Variants in MAP4 observed in about 807,000 individuals in gnomAD.
MAP4 encodes the protein microtubule-associated protein 4.
In MAP4, 76 loss-of-function variants were observed where a neutral mutation model predicts 170.2. The ratio of observed to expected loss-of-function variants is 0.45; its 90% CI spans 0.37 to 0.54. The LOEUF is 0.54. Ranked by LOEUF, MAP4 falls within the 20% of genes least tolerant of loss-of-function variation. The pLI is 0.00. For missense variants in MAP4, 2,506 were observed against 2,748.0 expected (o/e 0.91, Z 1.97); for synonymous variants, 909 against 994.5 (o/e 0.91, Z 1.62).
intron 1 of MAP4, among the ~76,000 whole-genome samples, chr3:48,024,316 AAAT>A (rs2154490630): frequency 6.6e-6 from 1 of 152,284 alleles, no homozygotes; most frequent in African/African-American, 2.4e-5. Context: ...TCTTTAAAAA[AAAT>A]AATAAATAAA....
rs1372874861 is a variant in MAP4 at position 47,910,928 on chromosome 3, C to T, written c.3493G>A (p.Gly1165Ser). Reference protein sequence around the residue: ...QALIPLESGSGMTQTSGVSTE... With the variant: ...QALIPLESGSSMTQTSGVSTE... ...CTAACACCAGAAGTCTGAGTCATGCCTGATCCACTTTCCAAAGGAATCAAT... is the reference window on the plus strand; with the variant it reads ...CTAACACCAGAAGTCTGAGTCATGCTTGATCCACTTTCCAAAGGAATCAAT... The change falls in exon 9 of 21, where the codon GGC (glycine) becomes AGC (serine). Residue 1165 changes from glycine to serine, a missense_variant. This residue lies in a region of MAP4 where 2,008 missense variants were observed against 2,206.0 expected (regional missense o/e 0.91). Transcript: ENST00000683076. The T allele has an allele frequency of 3.9e-6, 6 of 1,536,028 alleles. No individual in the cohort carries two copies. In the East Asian group the frequency reaches 1.5e-4, roughly 38 times the overall value.
At chr3:47,919,916 T>TTTGTTG (rs34455536) in intron 5 of MAP4, among the ~76,000 whole-genome samples, 4 of 151,074 alleles carry the variant, frequency 2.6e-5, no homozygotes, top group Non-Finnish European at 5.9e-5. Context: ...TTGTAGCAGT[T>TTTGTTG]TTGTTGTTGT....
intron 1 of MAP4, among the ~76,000 whole-genome samples, chr3:48,083,732 CT>C (rs909350613): frequency 5.6e-5 from 8 of 143,552 alleles, no homozygotes; most frequent in Admixed American, 7.0e-5. Flanking sequence ...GTAAGATTAA[CT>C]TTTTTTTTTT....
chr3:47,862,612 G>A (rs1559798270), intron 17 of MAP4, among the ~76,000 whole-genome samples: 1 of 152,006 alleles, frequency 6.6e-6, no homozygotes, highest in Non-Finnish European at 1.5e-5. Flanking sequence ...TGAGTAGCTG[G>A]TACTACAGGC....
intron 4 of MAP4, 81 bp downstream of exon 4, chr3:47,928,147 T>A: frequency 9.0e-6 from 14 of 1,557,946 alleles, no homozygotes; most frequent in Non-Finnish European, 1.2e-5. Context: ...GCTAAAGCAT[T>A]TTCATCTGAA....
intron 3 of MAP4, among the ~76,000 whole-genome samples, chr3:47,965,331 T>C (rs533239003): frequency 1.3e-5 from 2 of 152,346 alleles, no homozygotes; most frequent in South Asian, 4.1e-4. Context: ...TTCCATCTTT[T>C]GGCCACTGTG....
At chr3:47,891,689 T>G in intron 10 of MAP4, 1 of 1,536,524 alleles carries the variant, frequency 6.5e-7, no homozygotes, top group Non-Finnish European at 8.7e-7. Flanking sequence ...GTCTCTGATG[T>G]GACAGCTTGC....
rs373624072 is a variant in MAP4 at position 47,909,960 on chromosome 3, G to A, written c.4461C>T (p.Val1487=). The change falls in exon 9 of 21, where the codon GTC becomes GTT. Residue 1487 remains valine (V), a synonymous_variant. Coordinates refer to ENST00000683076, the MANE Select transcript of MAP4 (RefSeq NM_001385682.1). Reference sequence around the variant, plus strand: ...GACCCTTGGGTCTTTCTTGACCTGGGACTCCATCTTTGGTGTAGTTATCTA... The same window carrying A: ...GACCCTTGGGTCTTTCTTGACCTGGAACTCCATCTTTGGTGTAGTTATCTA... ...LMVDNYTKDG[V]PGQERPKGPS... 3 of 1,614,022 alleles carry A rather than the reference G, an allele frequency of 1.9e-6. No individual in the cohort carries two copies. The highest frequency in any genetic ancestry group is 2.2e-5 in the East Asian group (1 of 44,882).
chr3:48,050,871 C>T (rs900704484), intron 1 of MAP4, among the ~76,000 whole-genome samples: 1 of 149,864 alleles, frequency 6.7e-6, no homozygotes, highest in Non-Finnish European at 1.5e-5. Context: ...CGCCATTGCA[C>T]TCCAGCCTGG....
chr3:48,027,642 C>T (rs565505322), intron 1 of MAP4, among the ~76,000 whole-genome samples: 8 of 152,064 alleles, frequency 5.3e-5, no homozygotes, highest in Middle Eastern at 3.4e-3. Flanking sequence ...CCCAGGGGCT[C>T]GAGACCAGCC....
chr3:48,034,444 T>C (rs924081838), intron 1 of MAP4, among the ~76,000 whole-genome samples: 13 of 152,208 alleles, frequency 8.5e-5, no homozygotes, highest in African/African-American at 2.4e-4. Context: ...GGCTCATACC[T>C]GTAATCCCAG....
At chr3:47,948,682 C>T (rs552871994) in intron 3 of MAP4, among the ~76,000 whole-genome samples, 7 of 152,120 alleles carry the variant, frequency 4.6e-5, no homozygotes, top group East Asian at 1.9e-4. Context: ...AGTGCAGTGG[C>T]GCAATCTCGG....
intron 3 of MAP4, among the ~76,000 whole-genome samples, chr3:47,935,173 A>G: frequency 6.6e-6 from 1 of 152,368 alleles, no homozygotes; most frequent in African/African-American, 2.4e-5. Context: ...TGCTACTTAT[A>G]GGAGTTTAAA....
chr3:47,892,621 C>A, intron 10 of MAP4: 2 of 1,419,388 alleles, frequency 1.4e-6, no homozygotes. Flanking sequence ...TCCCTCAATG[C>A]CCCTCTCTCC....
intron 2 of MAP4, among the ~76,000 whole-genome samples, chr3:47,982,366 T>C (rs2100085888): frequency 6.6e-6 from 1 of 152,180 alleles, no homozygotes; most frequent in Non-Finnish European, 1.5e-5. Context: ...TGAGACATGT[T>C]ATGGAAATAA....
intron 1 of MAP4, among the ~76,000 whole-genome samples, chr3:48,078,488 C>T (rs1037511019): frequency 5.9e-5 from 9 of 151,750 alleles, no homozygotes; most frequent in African/African-American, 1.5e-4. Context: ...GTGAGTTTTA[C>T]GATATGTGAA....
At chr3:47,877,592 G>T in intron 10 of MAP4, 69 bp from the exon 11 acceptor site, 1 of 1,071,386 alleles carries the variant, frequency 9.3e-7, no homozygotes. Context: ...AAAATACAAG[G>T]TTTAGCAAAG....
chr3:47,976,434 T>C (rs970722284), intron 3 of MAP4, among the ~76,000 whole-genome samples: 1 of 152,226 alleles, frequency 6.6e-6, no homozygotes, highest in Non-Finnish European at 1.5e-5. Context: ...GAAAATGGCA[T>C]CCACTCTTTC....
In MAP4 at chr3:47,909,909, G is replaced by T. The variant is rs780887854; in HGVS notation, c.4512C>A (p.Ser1504Arg). The T allele has an allele frequency of 1.2e-6, 2 of 1,613,860 alleles. No homozygotes were observed. The highest frequency in any genetic ancestry group is 2.7e-5 in the African/African-American group (2 of 74,920). The change falls in exon 9 of 21, where the codon AGC becomes AGA. Residue 1504 changes from serine (S) to arginine (R), a missense_variant. Physicochemically the swap from Ser to Arg is moderately radical, Grantham distance 110 (BLOSUM62 -1). This residue lies in a region of MAP4 where 2,008 missense variants were observed against 2,206.0 expected (regional missense o/e 0.91). Coordinates refer to ENST00000683076, the MANE Select transcript of MAP4 (RefSeq NM_001385682.1). Reference sequence around the variant, plus strand: ...TAATAGGTAGAGCAACTCCTCCTGTGCTTGTAGAGGGCACAACAGCAGAGG... The same window carrying T: ...TAATAGGTAGAGCAACTCCTCCTGTTCTTGTAGAGGGCACAACAGCAGAGG... ...KGPSAVVPST[S>R]TGGVALPITT... is the part of the protein sequence containing the mutation.
Sources: gnomAD v4.1 joint callset for allele counts (sites outside exome capture counted in the v4.1 genomes callset) on GRCh38, gnomAD v4.1.1 for gene constraint, gnomAD v4.1.1 regional missense constraint, MANE v1.5 for transcripts, NCBI Gene and HGNC (gene_info 2026-07-23, HGNC 2026-07-21) for gene names.